The following SLFN5 variants were observed in gnomAD, a reference collection of about 807,000 sequenced individuals.
SLFN5 encodes the protein schlafen family member 5.
A neutral mutation model predicts 48.5 loss-of-function variants in SLFN5; 34 were observed. That is an observed-to-expected ratio of 0.70 (90% CI 0.53 to 0.93). SLFN5 has a LOEUF of 0.93. Ranked by LOEUF, SLFN5 falls within the 40% of genes least tolerant of loss-of-function variation. SLFN5 has a pLI of 0.00. For missense variants in SLFN5, 1,006 were observed against 1,071.3 expected (o/e 0.94, Z 0.85); for synonymous variants, 387 against 396.2 (o/e 0.98, Z 0.28).
At chr17:35,261,661 G>A (rs1251419702) in intron 3 of SLFN5, among the ~76,000 whole-genome samples, 2 of 147,188 alleles carry the variant, frequency 1.4e-5, no homozygotes, top group South Asian at 2.2e-4. Flanking sequence ...GAGCCACCAC[G>A]CCAAGCCACC....
In SLFN5 at chr17:35,259,478, C is replaced by T. The variant is rs879777426; in HGVS notation, c.788C>T (p.Pro263Leu). Residue 263 changes from proline to leucine, a missense_variant, in exon 2 of 5, where the codon CCT (proline) becomes CTT (leucine). By Grantham distance (98) the Pro-to-Leu change is moderately conservative. Coordinates refer to ENST00000299977, the MANE Select transcript of SLFN5 (RefSeq NM_144975.4). ...ATTGATGGCTGTATTAAGAAGCTAC[C>T]TGTCCATCATTTCTGCACACAGAGG... ...ASIDGCIKKL[P>L]VHHFCTQRPE... 1.1e-5 allele frequency: 18 copies of T among 1,614,046 alleles called. No individual in the cohort carries two copies. Among genetic ancestry groups the T allele is most frequent in the Admixed American group, 1.7e-5 (1 of 60,000 alleles).
intron 3 of SLFN5, among the ~76,000 whole-genome samples, chr17:35,263,811 C>CAAAAA (rs370619332): frequency 8.2e-6 from 1 of 122,394 alleles, no homozygotes; most frequent in Admixed American, 8.5e-5. Flanking sequence ...GACTCCATCT[C>CAAAAA]AAAAAAAAAA....
chr17:35,248,548 C>G (rs2092435797), intron 1 of SLFN5, among the ~76,000 whole-genome samples: 1 of 151,964 alleles, frequency 6.6e-6, no homozygotes, highest in Admixed American at 6.6e-5. Context: ...CCATGACTTT[C>G]AATAATCTCT....
In SLFN5 at chr17:35,259,505, C is replaced by T; in HGVS notation, c.815C>T (p.Pro272Leu). Residue 272 changes from proline (P) to leucine (L), a missense_variant, in exon 2 of 5, where the codon CCT becomes CTT. Pro to Leu is a moderately conservative substitution (Grantham distance 98). Coordinates refer to ENST00000299977, the MANE Select transcript of SLFN5 (RefSeq NM_144975.4). ...LPVHHFCTQR[P>L]EIKYVLNFLE... ...GTCCATCATTTCTGCACACAGAGGC[C>T]TGAGATAAAATATGTCCTTAACTTC... 6.2e-7 allele frequency: 1 copy of T among 1,614,142 alleles called. No individual in the cohort carries two copies.
At position 35,258,856 on chromosome 17, in the gene SLFN5, G is replaced by A; in HGVS notation, c.166G>A (p.Gly56Ser). Residue 56 changes from glycine (G) to serine (S), a missense_variant, in exon 2 of 5, where the codon GGC becomes AGC. Transcript: ENST00000299977. ...ATGTGCTCTGCTGAATTCTGGTGGGGGCATAATCAAGGCTGAGATTGAGAA... is the reference window on the plus strand; with the variant it reads ...ATGTGCTCTGCTGAATTCTGGTGGGAGCATAATCAAGGCTGAGATTGAGAA... ...AVCALLNSGG[G>S]IIKAEIENKG... 3 of 1,614,118 alleles carry A rather than the reference G, an allele frequency of 1.9e-6. No individual in the cohort carries two copies. Among genetic ancestry groups the A allele is most frequent in the Non-Finnish European group, 2.5e-6 (3 of 1,180,030 alleles).
intron 1 of SLFN5, among the ~76,000 whole-genome samples, chr17:35,252,988 A>G (rs967852643): frequency 6.6e-6 from 1 of 151,862 alleles, no homozygotes; most frequent in African/African-American, 2.4e-5. Flanking sequence ...GTCTTAGTCA[A>G]TTTGGGCTGC....
At position 35,266,177 on chromosome 17, in the gene SLFN5, T is replaced by TGCGCGCGC. The variant is rs549012700; in HGVS notation, c.*292_*299dup. 4.9e-4 allele frequency: 85 copies of TGCGCGCGC among 173,430 alleles called. No homozygotes were observed. The highest frequency in any genetic ancestry group is 2.8e-3 in the Middle Eastern group (1 of 354). 10.7% of individuals were successfully genotyped at this position (173,430 alleles called of 1,614,324 possible). A position where few individuals can be genotyped will look rare whatever the true frequency, so the allele number is the denominator to read the frequency against. On this transcript the variant is annotated 3_prime_UTR_variant, in exon 5 of 5. Transcript: ENST00000299977. ...GTGTGTGTGTGTGTGTGTGTGTGTG[T>TGCGCGCGC]GCGCGCGCGCACGTGCACATGTGTG...
chr17:35,265,338 A>G lies in SLFN5; in HGVS notation c.2126A>G (p.Asn709Ser). The change falls in exon 5 of 5, where the codon AAC (asparagine) becomes AGC (serine). Residue 709 changes from asparagine (N) to serine (S), a missense_variant. Asn to Ser is a conservative substitution (Grantham distance 46). Transcript: ENST00000299977. ...PSDQYPREEI[N>S]RVVRNAGPIA... ...GACCAGTATCCAAGAGAAGAGATCA[A>G]CAGAGTGGTCCGCAATGCAGGTCCA... The G allele has an allele frequency of 3.1e-6, 5 of 1,614,208 alleles. No homozygotes were observed. Among genetic ancestry groups the G allele is most frequent in the Non-Finnish European group, 4.2e-6 (5 of 1,180,046 alleles).
chr17:35,266,189 C>CGTGCACAT lies in SLFN5; in HGVS notation c.*305_*312dup. The stretch of plus-strand genomic sequence containing the variant: ...GTGTGTGTGTGTGTGCGCGCGCGCA[C>CGTGCACAT]GTGCACATGTGTGTAGGTAGATGGA... On this transcript the variant is annotated 3_prime_UTR_variant, in exon 5 of 5. Transcript: ENST00000299977. 1 of 232,916 alleles carries CGTGCACAT rather than the reference C, an allele frequency of 4.3e-6. No individual in the cohort carries two copies. The highest frequency in any genetic ancestry group is 8.5e-6 in the Non-Finnish European group (1 of 118,312). The allele number at this position is 232,916 out of a possible 1,614,324, so 14.4% of individuals were successfully genotyped here.
intron 1 of SLFN5, among the ~76,000 whole-genome samples, chr17:35,251,681 G>A (rs1298241126): frequency 7.0e-6 from 1 of 143,114 alleles, no homozygotes; most frequent in Non-Finnish European, 1.5e-5. Context: ...TGGGATTACA[G>A]GCATGAGCCA....
chr17:35,261,030 A>T lies in SLFN5; in HGVS notation c.1072A>T (p.Ser358Cys). 6.2e-7 allele frequency: 1 copy of T among 1,614,124 alleles called. No individual in the cohort carries two copies. Among genetic ancestry groups the T allele is most frequent in the Non-Finnish European group, 8.5e-7 (1 of 1,179,960 alleles). The change falls in exon 3 of 5, where the codon AGC becomes TGC. Residue 358 changes from serine to cysteine, a missense_variant. By Grantham distance (112) the Ser-to-Cys change is moderately radical. Coordinates refer to ENST00000299977, the MANE Select transcript of SLFN5 (RefSeq NM_144975.4). The stretch of plus-strand genomic sequence containing the variant: ...GAGTTTGTCATCTGCCACGCCCCGC[A>T]GCAAGCCTGTGTGCATTCATAAGAA... ...QLSLSSATPR[S>C]KPVCIHKNSE...
intron 1 of SLFN5, among the ~76,000 whole-genome samples, chr17:35,250,401 T>G (rs2092439581): frequency 6.6e-6 from 1 of 152,188 alleles, no homozygotes; most frequent in Non-Finnish European, 1.5e-5. Flanking sequence ...GGCTCACGCC[T>G]GTAATCCCAG....
In SLFN5 at chr17:35,265,828, TCTG is replaced by T. The variant is rs767998666; in HGVS notation, c.2619_2621del (p.Leu874del). On this transcript the variant is annotated inframe_deletion, in exon 5 of 5. Coordinates refer to ENST00000299977, the MANE Select transcript of SLFN5 (RefSeq NM_144975.4). ...CCCCACCGGCTGGGGCCTACAATCTTCTGCTCTGTTTGGCTTCTAGGGCAAAAA... is the reference window on the plus strand; with the variant it reads ...CCCCACCGGCTGGGGCCTACAATCTTCTCTGTTTGGCTTCTAGGGCAAAAA... 1 of 1,614,068 alleles carries T rather than the reference TCTG, an allele frequency of 6.2e-7. No individual in the cohort carries two copies. The highest frequency in any genetic ancestry group is 1.1e-5 in the South Asian group (1 of 91,056).
rs750668117 is a variant in SLFN5 at position 35,264,299 on chromosome 17, T to C, written c.1255T>C (p.Leu419=). ...AATGCGCCCTTTCTCTCAAGGAATATTGATTTTTTCTCAAAGCTGGGCTGT... is the reference window on the plus strand; with the variant it reads ...AATGCGCCCTTTCTCTCAAGGAATACTGATTTTTTCTCAAAGCTGGGCTGT... The part of the protein sequence containing the change: ...TEMRPFSQGI[L]IFSQSWAVDL... The change falls in exon 4 of 5, where the codon TTG becomes CTG. Residue 419 remains leucine (L), a synonymous_variant. Coordinates refer to ENST00000299977, the MANE Select transcript of SLFN5 (RefSeq NM_144975.4). 6 of 1,614,044 alleles carry C rather than the reference T, an allele frequency of 3.7e-6. No individual in the cohort carries two copies. The East Asian group carries it at 1.1e-4, about 30-fold the overall frequency.
intron 1 of SLFN5, among the ~76,000 whole-genome samples, chr17:35,247,225 A>G (rs1306363396): frequency 6.6e-6 from 1 of 152,202 alleles, no homozygotes; most frequent in Non-Finnish European, 1.5e-5. Context: ...CCTGCTTCCA[A>G]CTTCCCTACG....
In SLFN5 at chr17:35,265,429, T is replaced by C; in HGVS notation, c.2217T>C (p.Pro739=). 1 of 1,614,214 alleles carries C rather than the reference T, an allele frequency of 6.2e-7. No homozygotes were observed. Residue 739 remains proline, a synonymous_variant, in exon 5 of 5, where the codon CCT becomes CCC. Transcript: ENST00000299977. ...ARQNPPPNLP[P]GSLVMLYEPK... ...AAAATCCTCCACCTAACCTCCCCCC[T>C]GGGTCCCTGGTGATGCTCTATGAAC...
chr17:35,250,762 G>C (rs2092440623), intron 1 of SLFN5, among the ~76,000 whole-genome samples: 1 of 152,018 alleles, frequency 6.6e-6, no homozygotes, highest in Admixed American at 6.6e-5. Context: ...CAGAGAACAA[G>C]GAAGCCTGTT....
rs954193387 is a variant in SLFN5 at position 35,273,439 on chromosome 17, T to C, written c.*7551T>C. 1 of 152,232 alleles carries C rather than the reference T, an allele frequency of 6.6e-6. No individual in the cohort carries two copies. Among genetic ancestry groups the C allele is most frequent in the African/African-American group, 2.4e-5 (1 of 41,464 alleles). The allele number at this position is 152,232 out of a possible 1,614,324, so 9.4% of individuals were successfully genotyped here. On this transcript the variant is annotated 3_prime_UTR_variant, in exon 5 of 5. Coordinates refer to ENST00000299977, the MANE Select transcript of SLFN5 (RefSeq NM_144975.4). Reference sequence around the variant, plus strand: ...TTTTTACTTGTTCATGTAGTGATTTTATAAATTACTCTTTTAATTTTCTAT... The same window carrying C: ...TTTTTACTTGTTCATGTAGTGATTTCATAAATTACTCTTTTAATTTTCTAT...
rs771399569 is a variant in SLFN5, at chr17:35,265,589, CT to C, written c.2381del (p.Phe794SerfsTer15). On this transcript the variant is annotated frameshift_variant, in exon 5 of 5. Coordinates refer to ENST00000299977, the MANE Select transcript of SLFN5 (RefSeq NM_144975.4). LOFTEE classifies it low-confidence loss of function (END_TRUNC). The part of the protein sequence containing the change: ...NGYSPKDIAV[L>X]FTKASEVEKY... Reference sequence around the variant, plus strand: ...TTATTCTCCGAAGGATATTGCTGTGCTTTTCACCAAAGCAAGTGAAGTGGAA... The same window carrying C: ...TTATTCTCCGAAGGATATTGCTGTGCTTTCACCAAAGCAAGTGAAGTGGAA... 1.2e-6 allele frequency: 2 copies of C among 1,614,206 alleles called. No individual in the cohort carries two copies. The highest frequency in any genetic ancestry group is 2.2e-5 in the South Asian group (2 of 91,086).
Sources: allele counts gnomAD v4.1 joint callset (sites outside exome capture counted in the v4.1 genomes callset), GRCh38; gene constraint gnomAD v4.1.1; transcripts MANE v1.5; gene names NCBI Gene and HGNC (gene_info 2026-07-23, HGNC 2026-07-21).